Variants in DPY19L1 observed in about 807,000 individuals in gnomAD.
DPY19L1 encodes protein C-mannosyl-transferase DPY19L1.
In DPY19L1, 35 loss-of-function variants were observed where a neutral mutation model predicts 96.9. The ratio of observed to expected loss-of-function variants is 0.36; its 90% confidence interval spans 0.28 to 0.48. The LOEUF is 0.48. DPY19L1 is among the 20% of genes least tolerant of loss of function. DPY19L1 has a pLI of 0.99. For synonymous variants in DPY19L1, 205 were observed against 252.6 expected, an observed-to-expected ratio of 0.81 and a Z score of 1.79; for missense variants, 521 against 777.9, an observed-to-expected ratio of 0.67 and a Z score of 3.93.
At chr7:34,960,724 T>C (rs1346622891) in intron 10 of DPY19L1, among the ~76,000 whole-genome samples, 5 of 152,218 alleles carry the variant, frequency 3.3e-5, no homozygotes, top group African/African-American at 9.6e-5. Context: ...TTTTATGTGA[T>C]ACTAGTTTTT....
At chr7:35,018,746 T>G in intron 1 of DPY19L1, 150 bp from the exon 2 acceptor site, 1 of 665,178 alleles carries the variant, frequency 1.5e-6, no homozygotes, top group Non-Finnish European at 2.6e-6. Context: ...ACGTTTAAAA[T>G]TGTGATTGAC....
intron 16 of DPY19L1, 114 bp downstream of exon 16, chr7:34,945,553 A>G (rs993478984): frequency 7.9e-6 from 6 of 760,342 alleles, no homozygotes; most frequent in Non-Finnish European, 1.3e-5. Context: ...CACAATAAAA[A>G]CATCAATTAT....
intron 1 of DPY19L1, among the ~76,000 whole-genome samples, chr7:35,036,638 T>C (rs1286428442): frequency 6.6e-6 from 1 of 151,986 alleles, no homozygotes; most frequent in Non-Finnish European, 1.5e-5. Flanking sequence ...AAAATTTAAT[T>C]ATAAGTTTAA....
At chr7:34,979,690 G>C (rs1455917528) in intron 7 of DPY19L1, among the ~76,000 whole-genome samples, 1 of 152,002 alleles carries the variant, frequency 6.6e-6, no homozygotes, top group Non-Finnish European at 1.5e-5. Flanking sequence ...TATATCAAAA[G>C]GGCAGAAAAT....
At chr7:34,998,483 C>T (rs932860614) in intron 6 of DPY19L1, among the ~76,000 whole-genome samples, 4 of 152,160 alleles carry the variant, frequency 2.6e-5, no homozygotes, top group Admixed American at 2.6e-4. Flanking sequence ...AGTGTGTGCT[C>T]AGCCCTCATG....
At chr7:34,967,838 GA>G (rs1182135794) in intron 9 of DPY19L1, among the ~76,000 whole-genome samples, 1 of 152,122 alleles carries the variant, frequency 6.6e-6, no homozygotes, top group Non-Finnish European at 1.5e-5. Flanking sequence ...CCATTAGTGA[GA>G]AAAACAACAA....
Position 34,972,068 on chromosome 7 carries a change from T to C in DPY19L1, c.914+1446A>G, listed in dbSNP as rs375953693. On this transcript the variant is annotated intron_variant, in intron 8 of 21. Transcript: ENST00000638088. The stretch of plus-strand genomic sequence containing the variant: ...TGACAAAGAAGGACTTAATCTACCA[T>C]TGCTGGTTTTGAAGATGAAGGAGCC... 9.2e-5 allele frequency among the ~76,000 whole-genome samples: 14 copies of C among 152,226 alleles called. No individual in the cohort carries two copies. The South Asian group carries it at 2.7e-3, about 29-fold the overall frequency.
chr7:34,963,917 G>A (rs1248835181), intron 10 of DPY19L1, among the ~76,000 whole-genome samples: 1 of 152,180 alleles, frequency 6.6e-6, no homozygotes, highest in Non-Finnish European at 1.5e-5. Flanking sequence ...TAGAATGGTG[G>A]TTTCCAGGGA....
At chr7:34,965,154 C>T (rs1784583286) in intron 10 of DPY19L1, among the ~76,000 whole-genome samples, 1 of 152,094 alleles carries the variant, frequency 6.6e-6, no homozygotes, top group African/African-American at 2.4e-5. Flanking sequence ...CCTAGAGAAA[C>T]TCTCAACATA....
At chr7:34,937,163 G>C (rs10951429) in intron 21 of DPY19L1, among the ~76,000 whole-genome samples, 27,182 of 152,004 alleles carry the variant, frequency 0.18, 2,772 homozygotes, top group Admixed American at 0.34. Context: ...ACTGTCACTT[G>C]GAGCTATACT....
chr7:34,960,881 T>C (rs1784487330), intron 10 of DPY19L1, among the ~76,000 whole-genome samples: 1 of 152,200 alleles, frequency 6.6e-6, no homozygotes, highest in African/African-American at 2.4e-5. Flanking sequence ...TTAAACTTCC[T>C]AATGTGATAA....
At position 34,983,826 on chromosome 7, in the gene DPY19L1, A is replaced by C. The variant is rs367877854; in HGVS notation, c.822+6058T>G. On this transcript the variant is annotated intron_variant, in intron 7 of 21. Coordinates refer to ENST00000638088, the MANE Select transcript of DPY19L1 (RefSeq NM_001366673.1). ...ATTTAAAAAGAAGATCTTGGCTAGA[A>C]ATTTTCCAAAACTGATTAAAAATAA... 3.9e-5 allele frequency among the ~76,000 whole-genome samples: 6 copies of C among 152,336 alleles called. 1 individual carries two copies. In the East Asian group the frequency reaches 7.7e-4, roughly 20 times the overall value.
intron 21 of DPY19L1, among the ~76,000 whole-genome samples, chr7:34,936,027 C>T (rs565131145): frequency 2.0e-4 from 31 of 152,124 alleles, no homozygotes; most frequent in Admixed American, 1.5e-3. Context: ...GAGTCACTTT[C>T]GTAGCTTCCT....
At chr7:34,987,596 A>C (rs529306591) in intron 7 of DPY19L1, among the ~76,000 whole-genome samples, 1 of 152,172 alleles carries the variant, frequency 6.6e-6, no homozygotes, top group Admixed American at 6.5e-5. Context: ...TTGCAACATA[A>C]ACCAATCACT....
chr7:34,975,239 C>T (rs1259581810), intron 7 of DPY19L1, among the ~76,000 whole-genome samples: 2 of 152,122 alleles, frequency 1.3e-5, no homozygotes, highest in African/African-American at 4.8e-5. Flanking sequence ...CCTCTTATGC[C>T]TAACAGTCAG....
At chr7:35,031,282 A>G (rs557811924) in intron 1 of DPY19L1, among the ~76,000 whole-genome samples, 1 of 152,332 alleles carries the variant, frequency 6.6e-6, no homozygotes, top group South Asian at 2.1e-4. Context: ...AATACAGTGT[A>G]ACAAATATAT....
intron 14 of DPY19L1, among the ~76,000 whole-genome samples, chr7:34,949,429 A>T (rs1784224032): frequency 6.6e-6 from 1 of 152,300 alleles, no homozygotes; most frequent in East Asian, 1.9e-4. Context: ...AAAAGCTTGG[A>T]CTTGATGTTT....
chr7:34,946,287 C>T (rs865969212), intron 15 of DPY19L1, among the ~76,000 whole-genome samples: 1 of 152,188 alleles, frequency 6.6e-6, no homozygotes, highest in African/African-American at 2.4e-5. Context: ...CCACCAGCTG[C>T]TGCTTGAATC....
At chr7:34,947,403 C>T (rs1784171550) in intron 15 of DPY19L1, among the ~76,000 whole-genome samples, 2 of 152,148 alleles carry the variant, frequency 1.3e-5, no homozygotes, top group African/African-American at 2.4e-5. Flanking sequence ...ACATGACTAT[C>T]GGAACTTGAG....
Sources: gnomAD v4.1 joint callset for allele counts (sites outside exome capture counted in the v4.1 genomes callset) on GRCh38, gnomAD v4.1.1 for gene constraint, MANE v1.5 for transcripts, NCBI Gene and HGNC (gene_info 2026-07-23, HGNC 2026-07-21) for gene names.